Variants in SCML2 observed in about 807,000 individuals in gnomAD.
The protein encoded by SCML2 is sex comb on midleg-like protein 2.
In SCML2, 6 loss-of-function variants were observed where a neutral mutation model predicts 48.4. The observed-to-expected ratio is 0.12, with a 90% CI of 0.07 to 0.24. The LOEUF is 0.24. Among genes scored for constraint, SCML2 ranks in the 10% least tolerant of loss-of-function variants. SCML2 has a pLI of 1.00. For synonymous variants in SCML2, 181 were observed against 189.5 expected, an observed-to-expected ratio of 0.95 and a Z score of 0.37; for missense variants, 377 against 528.2, an observed-to-expected ratio of 0.71 and a Z score of 2.81.
intron 11 of SCML2, among the ~76,000 whole-genome samples, chrX:18,251,830 T>C (rs1442052555): frequency 2.7e-5 from 3 of 112,514 alleles, no homozygotes; most frequent in South Asian, 3.7e-4. Context: ...CAAATGTTCA[T>C]TGCAGCAGCA....
At chrX:18,292,857 T>C (rs1294395647) in intron 7 of SCML2, among the ~76,000 whole-genome samples, 1 of 111,691 alleles carries the variant, frequency 9.0e-6, no homozygotes, top group Non-Finnish European at 1.9e-5. Flanking sequence ...ACTTACTTTT[T>C]TCACTTAATA....
intron 1 of SCML2, among the ~76,000 whole-genome samples, chrX:18,352,243 C>T (rs1283200829): frequency 8.9e-6 from 1 of 112,314 alleles, no homozygotes; most frequent in Non-Finnish European, 1.9e-5. Context: ...GCTTAAACTA[C>T]TTAGTAATAG....
chrX:18,330,759 TATA>T, intron 2 of SCML2, 104 bp from the exon 3 acceptor site: 1 of 434,863 alleles, frequency 2.3e-6, no homozygotes, highest in Non-Finnish European at 3.9e-6. Context: ...ATTTTAGTTT[TATA>T]ATATCTTCAT....
rs1416979273 is a variant in SCML2, at chrX:18,261,410, T to C, written c.949-1119A>G. On this transcript the variant is annotated intron_variant, in intron 8 of 14. Transcript: ENST00000251900. ...TTTGTCTTGAGACATACCAAGATAG[T>C]ATGTTTGCATTAACACTGCAAATTG... 5.5e-5 allele frequency among the ~76,000 whole-genome samples: 6 copies of C among 109,737 alleles called. No individual in the cohort carries two copies. The Admixed American group carries it at 5.7e-4, about 10-fold the overall frequency.
intron 5 of SCML2, among the ~76,000 whole-genome samples, 161 bp downstream of exon 5, chrX:18,323,698 T>C (rs1251311574): frequency 8.9e-6 from 1 of 111,846 alleles, no homozygotes; most frequent in Non-Finnish European, 1.9e-5. Flanking sequence ...CCACAACAGA[T>C]GGTGCTGATT....
chrX:18,300,330 G>T (rs1333082393), intron 7 of SCML2, among the ~76,000 whole-genome samples: 2 of 97,337 alleles, frequency 2.1e-5, no homozygotes, highest in Non-Finnish European at 4.2e-5. Context: ...AGCCCAGGAA[G>T]TCAAGGCTTT....
chrX:18,276,961 T>C (rs1336673450), intron 7 of SCML2, among the ~76,000 whole-genome samples: 1 of 111,139 alleles, frequency 9.0e-6, no homozygotes, highest in Non-Finnish European at 1.9e-5. Context: ...AATTGTTCGT[T>C]TTAAAATGGC....
intron 2 of SCML2, among the ~76,000 whole-genome samples, chrX:18,331,354 A>G (rs971714973): frequency 1.8e-5 from 2 of 109,358 alleles, no homozygotes; most frequent in African/African-American, 6.7e-5. Context: ...TGTCCTAGAA[A>G]TAAAACAGAT....
At chrX:18,332,558 C>T (rs1929690168) in intron 2 of SCML2, among the ~76,000 whole-genome samples, 1 of 111,981 alleles carries the variant, frequency 8.9e-6, no homozygotes, top group Non-Finnish European at 1.9e-5. Flanking sequence ...AAGGTAGTTT[C>T]TCTATATAGA....
At chrX:18,330,865 G>A (rs773365380) in intron 2 of SCML2, among the ~76,000 whole-genome samples, 21 of 111,371 alleles carry the variant, frequency 1.9e-4, no homozygotes, top group African/African-American at 6.5e-4. Flanking sequence ...ATCTCCAAAA[G>A]GGCAGAGATT....
chrX:18,257,344 C>T (rs1926885966), intron 10 of SCML2, among the ~76,000 whole-genome samples: 3 of 111,540 alleles, frequency 2.7e-5, no homozygotes, highest in South Asian at 3.8e-4. Flanking sequence ...GCCACCAACA[C>T]TATCTTATTG....
chrX:18,241,436 A>G (rs1385569901), intron 14 of SCML2, 57 bp from the exon 15 acceptor site: 4 of 898,382 alleles, frequency 4.5e-6, no homozygotes, highest in South Asian at 7.5e-5. Flanking sequence ...AATTATTTAT[A>G]CATAAGAACA....
chrX:18,316,831 T>C (rs1929136828), intron 6 of SCML2, among the ~76,000 whole-genome samples: 1 of 112,218 alleles, frequency 8.9e-6, no homozygotes, highest in Non-Finnish European at 1.9e-5. Flanking sequence ...CTCATACGAG[T>C]GCAAACCCTA....
chrX:18,304,630 T>C (rs751552615), intron 7 of SCML2, among the ~76,000 whole-genome samples: 4 of 112,143 alleles, frequency 3.6e-5, no homozygotes, highest in East Asian at 2.8e-4. Context: ...TGGAATACCA[T>C]GTATAATTTT....
chrX:18,278,080 C>G (rs1202775678), intron 7 of SCML2, among the ~76,000 whole-genome samples: 1 of 112,161 alleles, frequency 8.9e-6, no homozygotes, highest in Non-Finnish European at 1.9e-5. Flanking sequence ...ATCACTTGAG[C>G]CTGGAAGGCA....
chrX:18,354,486 G>T (rs751257128), intron 1 of SCML2, 106 bp downstream of exon 1: 1 of 228,173 alleles, frequency 4.4e-6, no homozygotes, highest in East Asian at 6.5e-5. Context: ...TTCCTCGCAC[G>T]GGACGCGCGC....
At chrX:18,336,236 C>T (rs754248901) in intron 1 of SCML2, among the ~76,000 whole-genome samples, 2 of 108,107 alleles carry the variant, frequency 1.9e-5, no homozygotes, top group South Asian at 8.2e-4. Context: ...GTCAAGAGAT[C>T]GAGACCATCC....
intron 11 of SCML2, among the ~76,000 whole-genome samples, chrX:18,251,861 G>A (rs774469377): frequency 6.2e-4 from 69 of 112,100 alleles, no homozygotes; most frequent in Non-Finnish European, 1.1e-3. Flanking sequence ...CCAAAAAGTG[G>A]AAACAATCCA....
chrX:18,260,159 A>G lies in SCML2; in HGVS notation c.1069+12T>C. ...TTAGTAATTCTATACTATTTTTAAA[A>G]TATGAATTTACCTGTAGACATCACT... On this transcript the variant is annotated intron_variant, in intron 9 of 14. Coordinates refer to ENST00000251900, the MANE Select transcript of SCML2 (RefSeq NM_006089.3). 1 of 1,120,980 alleles carries G rather than the reference A, an allele frequency of 8.9e-7. No homozygotes were observed. Among genetic ancestry groups the G allele is most frequent in the Non-Finnish European group, 1.2e-6 (1 of 837,892 alleles). The allele number at this position is 1,120,980 out of a possible 1,213,427, so 92.4% of individuals were successfully genotyped here.
Sources: gnomAD v4.1 joint callset for allele counts (sites outside exome capture counted in the v4.1 genomes callset) on GRCh38, gnomAD v4.1.1 for gene constraint, MANE v1.5 for transcripts, NCBI Gene and HGNC (gene_info 2026-07-23, HGNC 2026-07-21) for gene names.